BRINP3: variants seen among roughly 807,000 people sequenced by gnomAD.
BRINP3 encodes the protein BMP/retinoic acid inducible neural specific 3.
BRINP3 carries 19 observed loss-of-function variants against 71.0 expected under a neutral mutation model. That is an observed-to-expected ratio of 0.27 (90% CI 0.19 to 0.39). The LOEUF (loss-of-function observed/expected upper bound fraction) is 0.39. Ranked by LOEUF, BRINP3 falls within the 10% of genes least tolerant of loss-of-function variation. BRINP3 has a pLI of 1.00. For synonymous variants in BRINP3, 380 were observed against 337.7 expected, an observed-to-expected ratio of 1.13 and a Z score of -1.37; for missense variants, 959 against 940.8, an observed-to-expected ratio of 1.02 and a Z score of -0.25.
intron 1 of BRINP3, among the ~76,000 whole-genome samples, chr1:190,471,478 A>G (rs902365550): frequency 6.6e-6 from 1 of 151,370 alleles, no homozygotes; most frequent in Admixed American, 6.6e-5. Flanking sequence ...AGTTATACAG[A>G]ACACATAGTA....
chr1:190,398,842 T>C (rs2102345180), intron 2 of BRINP3, among the ~76,000 whole-genome samples: 1 of 152,134 alleles, frequency 6.6e-6, no homozygotes, highest in East Asian at 1.9e-4. Flanking sequence ...TGCTGCCAAA[T>C]CTTCCACCCT....
intron 5 of BRINP3, among the ~76,000 whole-genome samples, chr1:190,233,016 A>T (rs1658145281): frequency 2.0e-5 from 3 of 152,176 alleles, no homozygotes; most frequent in Admixed American, 2.0e-4. Context: ...AGTATTTAAG[A>T]ACTTTGTACT....
intron 6 of BRINP3, among the ~76,000 whole-genome samples, chr1:190,191,682 G>A (rs1654048757): frequency 6.6e-6 from 1 of 151,892 alleles, no homozygotes; most frequent in Non-Finnish European, 1.5e-5. Flanking sequence ...TTGGTTCCAT[G>A]TCCTTGCTAT....
intron 3 of BRINP3, among the ~76,000 whole-genome samples, chr1:190,274,159 A>G (rs558845151): frequency 1.3e-5 from 2 of 151,696 alleles, no homozygotes; most frequent in African/African-American, 4.8e-5. Flanking sequence ...CCCAAGACAC[A>G]TAGATCAGAA....
intron 7 of BRINP3, among the ~76,000 whole-genome samples, chr1:190,159,693 G>A (rs893976120): frequency 2.0e-5 from 3 of 151,954 alleles, no homozygotes; most frequent in Admixed American, 6.6e-5. Context: ...ACTGGGTGAA[G>A]GTTTATGAGG....
At chr1:190,235,362 G>A (rs1658413126) in intron 4 of BRINP3, among the ~76,000 whole-genome samples, 1 of 152,002 alleles carries the variant, frequency 6.6e-6, no homozygotes, top group Non-Finnish European at 1.5e-5. Flanking sequence ...ATTTAATCCT[G>A]AAGATTTAAA....
intron 7 of BRINP3, among the ~76,000 whole-genome samples, chr1:190,133,459 C>G (rs1654710655): frequency 6.6e-6 from 1 of 151,928 alleles, no homozygotes; most frequent in East Asian, 1.9e-4. Flanking sequence ...AGCATATTTA[C>G]TGTGGCATAG....
rs1158359292 is a variant in BRINP3 at position 190,398,324 on chromosome 1, A to T, written c.236+56331T>A. On this transcript the variant is annotated intron_variant, in intron 2 of 7. Coordinates refer to ENST00000367462, the MANE Select transcript of BRINP3 (RefSeq NM_199051.3). ...AACCTTCTCTGATAATCCATATCTG[A>T]TTAACAGGAAGCCGACTATATATCT... is the stretch of plus-strand genomic sequence containing the variant. 2.0e-5 allele frequency among the ~76,000 whole-genome samples: 3 copies of T among 152,010 alleles called. 1 individual carries two copies. In the East Asian group the frequency reaches 5.8e-4, roughly 29 times the overall value.
intron 1 of BRINP3, among the ~76,000 whole-genome samples, chr1:190,457,677 A>G (rs1232480093): frequency 6.6e-6 from 1 of 152,216 alleles, no homozygotes; most frequent in East Asian, 1.9e-4. Context: ...GTTATATTTT[A>G]TACTGGTATG....
intron 2 of BRINP3, among the ~76,000 whole-genome samples, chr1:190,448,427 A>T: frequency 6.6e-6 from 1 of 150,388 alleles, no homozygotes; most frequent in African/African-American, 2.4e-5. Context: ...TCTATATTTA[A>T]ATAATCTTTT....
intron 6 of BRINP3, among the ~76,000 whole-genome samples, chr1:190,218,878 T>C (rs1656635699): frequency 6.6e-6 from 1 of 152,118 alleles, no homozygotes; most frequent in Non-Finnish European, 1.5e-5. Context: ...CATTGTGTAA[T>C]TTGTGTTATT....
chr1:190,319,996 T>A (rs1666130833), intron 2 of BRINP3, among the ~76,000 whole-genome samples: 1 of 152,226 alleles, frequency 6.6e-6, no homozygotes, highest in South Asian at 2.1e-4. Context: ...TTTGTTTAAA[T>A]TTTGATCTTT....
chr1:190,465,607 C>G (rs538758604), intron 1 of BRINP3, among the ~76,000 whole-genome samples: 1 of 152,006 alleles, frequency 6.6e-6, no homozygotes, highest in East Asian at 1.9e-4. Flanking sequence ...CCAGAATCCC[C>G]TCTTACCCCT....
intron 6 of BRINP3, among the ~76,000 whole-genome samples, chr1:190,201,890 G>A (rs1655039519): frequency 6.6e-6 from 1 of 152,148 alleles, no homozygotes; most frequent in Admixed American, 6.5e-5. Context: ...GTTTGTTGCA[G>A]GGGTGAGGCC....
intron 2 of BRINP3, among the ~76,000 whole-genome samples, chr1:190,322,276 G>T: frequency 6.6e-6 from 1 of 151,994 alleles, no homozygotes; most frequent in East Asian, 1.9e-4. Flanking sequence ...AGTCCTGATA[G>T]GTTTGTGCAT....
chr1:190,224,842 C>A (rs1268097570), intron 6 of BRINP3, among the ~76,000 whole-genome samples: 1 of 152,050 alleles, frequency 6.6e-6, no homozygotes, highest in South Asian at 2.1e-4. Context: ...GGCAGAATAT[C>A]TGAATACATA....
chr1:190,286,843 G>A (rs1439555447), intron 2 of BRINP3, among the ~76,000 whole-genome samples: 3 of 152,034 alleles, frequency 2.0e-5, no homozygotes. Context: ...AAATCATATG[G>A]ATCTTAAGAA....
rs1476278972 is a variant in BRINP3 at position 190,249,440 on chromosome 1, G to A, written c.619-14963C>T. On this transcript the variant is annotated intron_variant, in intron 4 of 7. Coordinates refer to ENST00000367462, the MANE Select transcript of BRINP3 (RefSeq NM_199051.3). The stretch of plus-strand genomic sequence containing the variant: ...TTTCTAATATTATTAATTTAGGTAA[G>A]AGCAATTAAATGTTTTCACTAATCT... Among the ~76,000 whole-genome samples the A allele has an allele frequency of 4.0e-5, 6 of 151,768 alleles. No individual in the cohort carries two copies. The South Asian group carries it at 1.0e-3, about 26-fold the overall frequency.
At chr1:190,394,997 T>C (rs1372623017) in intron 2 of BRINP3, among the ~76,000 whole-genome samples, 3 of 151,704 alleles carry the variant, frequency 2.0e-5, no homozygotes, top group Non-Finnish European at 4.4e-5. Flanking sequence ...AAGGAAGTCT[T>C]GTACATTGCA....
Sources: allele counts gnomAD v4.1 joint callset (sites outside exome capture counted in the v4.1 genomes callset), GRCh38; gene constraint gnomAD v4.1.1; transcripts MANE v1.5; gene names NCBI Gene and HGNC (gene_info 2026-07-23, HGNC 2026-07-21).